The following YIF1B variants were observed in gnomAD, a reference collection of about 807,000 sequenced individuals.
YIF1B encodes the protein Yip1 interacting factor homolog B, membrane trafficking protein.
Under a neutral mutation model 34.6 loss-of-function variants are expected in YIF1B, and 24 were observed. The ratio of observed to expected loss-of-function variants is 0.69; its 90% CI spans 0.50 to 0.98. The LOEUF is 0.98. Among genes scored for constraint, YIF1B ranks in the 50% least tolerant of loss-of-function variants. The probability of loss-of-function intolerance (pLI) is 0.00; values close to 1 mark genes in which losing one functional copy is unlikely to be tolerated. For missense variants in YIF1B, 368 were observed against 429.4 expected (o/e 0.86, Z 1.26); for synonymous variants, 186 against 184.8 (o/e 1.01, Z -0.05).
In YIF1B at chr19:38,305,316, C is replaced by A; in HGVS notation, c.*36G>T. On this transcript the variant is annotated 3_prime_UTR_variant, in exon 8 of 8. Transcript: ENST00000339413. The stretch of plus-strand genomic sequence containing the variant: ...GTTCGGCGGCCACAGTGGCCCCCAG[C>A]AGCAGCAGCAGCAGCGGGAGGTTCA... 6.3e-7 allele frequency: 1 copy of A among 1,583,276 alleles called. No homozygotes were observed. Among genetic ancestry groups the A allele is most frequent in the South Asian group, 1.1e-5 (1 of 88,746 alleles).
upstream of YIF1B, among the ~76,000 whole-genome samples, chr19:38,321,760 T>A (rs1408293864): frequency 6.6e-6 from 1 of 152,240 alleles, no homozygotes; most frequent in Admixed American, 6.5e-5. Flanking sequence ...CTCCCCTGGG[T>A]CTGCCCATGC....
chr19:38,305,201 G>C lies in YIF1B; in HGVS notation c.*151C>G, dbSNP rs2146292275. The C allele has an allele frequency of 7.1e-7, 1 of 1,407,756 alleles. No homozygotes were observed. The highest frequency in any genetic ancestry group is 2.6e-4 in the Middle Eastern group (1 of 3,844). The allele number at this position is 1,407,756 out of a possible 1,614,324, so 87.2% of individuals were successfully genotyped here. On this transcript the variant is annotated 3_prime_UTR_variant, in exon 8 of 8. Coordinates refer to ENST00000339413, the MANE Select transcript of YIF1B (RefSeq NM_001039672.3). ...GCAGCTGGAGATCTCTCAGCACCTT[G>C]GGTTGGGGGCGGGGCTGGGCGGGAC...
chr19:38,315,242 T>C (rs1969496613), intron 1 of YIF1B, among the ~76,000 whole-genome samples: 1 of 138,082 alleles, frequency 7.2e-6, no homozygotes, highest in South Asian at 2.2e-4. Flanking sequence ...CAAAACTAGG[T>C]CTCAAAAAAA....
chr19:38,315,432 A>T, intron 1 of YIF1B: 1 of 1,306,478 alleles, frequency 7.7e-7, no homozygotes, highest in Admixed American at 3.7e-5. Flanking sequence ...CACGGAGATG[A>T]AGAGACAGGA....
intron 1 of YIF1B, among the ~76,000 whole-genome samples, chr19:38,312,520 G>A (rs1478196927): frequency 6.6e-6 from 1 of 152,094 alleles, no homozygotes; most frequent in Non-Finnish European, 1.5e-5. Flanking sequence ...TAGGGAGGGC[G>A]GGATTTGAAC....
chr19:38,309,623 C>T lies in YIF1B; in HGVS notation c.79G>A (p.Val27Met). 7 of 1,600,268 alleles carry T rather than the reference C, an allele frequency of 4.4e-6. No individual in the cohort carries two copies. The highest frequency in any genetic ancestry group is 1.1e-5 in the South Asian group (1 of 88,832). ...RKWPSKRRIP[V>M]SQPGMADPHQ... is the part of the protein sequence containing the mutation. ...GGGTCGGCCATGCCCGGCTGGGACA[C>T]AGGGATCCTCCGCTTCGAGGCTGCA... Residue 27 changes from valine (V) to methionine (M), a missense_variant, in exon 2 of 8, where the codon GTG (valine) becomes ATG (methionine). Around this residue, in one of 3 missense-constraint regions of YIF1B, gnomAD observed 153 missense variants for 156.7 expected, o/e 0.98. Coordinates refer to ENST00000339413, the MANE Select transcript of YIF1B (RefSeq NM_001039672.3).
At chr19:38,320,356 G>A, upstream of YIF1B, 2 of 1,418,510 alleles carry the variant, frequency 1.4e-6, no homozygotes, top group Non-Finnish European at 1.9e-6. Flanking sequence ...GGGCCCTCAC[G>A]AATACCCTTA....
chr19:38,308,490 T>C (rs1969160759), intron 5 of YIF1B, among the ~76,000 whole-genome samples: 1 of 151,360 alleles, frequency 6.6e-6, no homozygotes. Flanking sequence ...AGGGGTGCAG[T>C]GGGGAGCTGG....
intron 3 of YIF1B, 40 bp from the exon 4 acceptor site, chr19:38,309,097 G>T: frequency 6.4e-7 from 1 of 1,555,366 alleles, no homozygotes; most frequent in African/African-American, 1.4e-5. Context: ...TCAGAGCCAG[G>T]CCCCTCCCAC....
chr19:38,315,440 G>A, intron 1 of YIF1B: 1 of 1,316,222 alleles, frequency 7.6e-7, no homozygotes, highest in Non-Finnish European at 9.7e-7. Context: ...TGAAGAGACA[G>A]GAAAAGGGGG....
At chr19:38,317,243 G>A (rs1431701353), upstream of YIF1B, 6 of 152,212 alleles carry the variant, frequency 3.9e-5, no homozygotes, top group Non-Finnish European at 8.8e-5. Flanking sequence ...CAGACTCCCC[G>A]ACTTATCTCA....
At chr19:38,320,477 C>G (rs150646977), upstream of YIF1B, among the ~76,000 whole-genome samples, 825 of 152,238 alleles carry the variant, frequency 5.4e-3, 8 homozygotes, top group African/African-American at 0.019. Flanking sequence ...GCCCTTCCTC[C>G]TAAGTAGGAA....
At position 38,309,277 on chromosome 19, in the gene YIF1B, T is replaced by C; in HGVS notation, c.349A>G (p.Thr117Ala). Residue 117 changes from threonine (T) to alanine (A), a missense_variant, in exon 3 of 8, where the codon ACC becomes GCC. Thr to Ala is a moderately conservative substitution (Grantham distance 58). Around this residue, in one of 3 missense-constraint regions of YIF1B, gnomAD observed 7 missense variants for 24.9 expected, o/e 0.28. Transcript: ENST00000339413. ...TKLKYYFAVD[T>A]MYVGRKLGLL... The stretch of plus-strand genomic sequence containing the variant: ...CCCAGCTTTCTGCCCACATACATGG[T>C]GTCCACAGCAAAGTAATACTTGAGC... 1 of 1,614,078 alleles carries C rather than the reference T, an allele frequency of 6.2e-7. No individual in the cohort carries two copies. Among genetic ancestry groups the C allele is most frequent in the East Asian group, 2.2e-5 (1 of 44,884 alleles).
At chr19:38,315,367 A>C in intron 1 of YIF1B, 2 of 1,125,592 alleles carry the variant, frequency 1.8e-6, no homozygotes, top group Non-Finnish European at 2.2e-6. Flanking sequence ...AGGGCCTGAC[A>C]CATGGGAGTT....
chr19:38,308,646 G>A, intron 5 of YIF1B, 146 bp downstream of exon 5: 1 of 909,602 alleles, frequency 1.1e-6, no homozygotes, highest in Non-Finnish European at 1.8e-6. Flanking sequence ...TGCTGACAGT[G>A]ACCCTGAGGG....
chr19:38,308,421 CGGGGCAGGGT>C (rs1413910884), intron 5 of YIF1B, among the ~76,000 whole-genome samples: 1 of 139,812 alleles, frequency 7.2e-6, no homozygotes, highest in African/African-American at 2.6e-5. Context: ...GATAGCAGGG[CGGGGCAGGGT>C]GGGCCAGGCC....
Position 38,307,445 on chromosome 19 carries a change from C to T in YIF1B, c.772G>A (p.Ala258Thr), listed in dbSNP as rs866961514. The change falls in exon 7 of 8, where the codon GCC (alanine) becomes ACC (threonine). Residue 258 changes from alanine (A) to threonine (T), a missense_variant. Ala to Thr is a moderately conservative substitution (Grantham distance 58). Coordinates refer to ENST00000339413, the MANE Select transcript of YIF1B (RefSeq NM_001039672.3). ...YYLVLGWCCV[A>T]IFVFMIRTLR... ...CAGCTCACCATGAACACAAAGATGGCTACGCAGCACCAGCCCAGCACCAGG... is the reference window on the plus strand; with the variant it reads ...CAGCTCACCATGAACACAAAGATGGTTACGCAGCACCAGCCCAGCACCAGG... The T allele has an allele frequency of 3.7e-6, 6 of 1,613,702 alleles. No individual in the cohort carries two copies. The highest frequency in any genetic ancestry group is 5.1e-6 in the Non-Finnish European group (6 of 1,179,954).
At chr19:38,321,201 CAG>C (rs1969648032), upstream of YIF1B, among the ~76,000 whole-genome samples, 1 of 152,306 alleles carries the variant, frequency 6.6e-6, no homozygotes, top group African/African-American at 2.4e-5. Context: ...TCCCTCCCAA[CAG>C]AGATTCCTCA....
In YIF1B at chr19:38,305,095, C is replaced by T; in HGVS notation, c.*257G>A. 1 of 1,485,806 alleles carries T rather than the reference C, an allele frequency of 6.7e-7. No homozygotes were observed. Among genetic ancestry groups the T allele is most frequent in the Non-Finnish European group, 9.0e-7 (1 of 1,111,790 alleles). 92.0% of individuals were successfully genotyped at this position (1,485,806 alleles called of 1,614,324 possible). ...TGGGCCCGCCCATTCGTGCGCGAGG[C>T]CAAGGAGAGGCTGTCCACGCCATGC... On this transcript the variant is annotated 3_prime_UTR_variant, in exon 8 of 8. Transcript: ENST00000339413.
Sources: gnomAD v4.1 joint callset for allele counts (sites outside exome capture counted in the v4.1 genomes callset) on GRCh38, gnomAD v4.1.1 for gene constraint, gnomAD v4.1.1 regional missense constraint, MANE v1.5 for transcripts, NCBI Gene and HGNC (gene_info 2026-07-23, HGNC 2026-07-21) for gene names.